PIAS1: variants seen among roughly 807,000 people sequenced by gnomAD.
PIAS1 encodes the protein E3 SUMO-protein ligase PIAS1.
A neutral mutation model predicts 71.3 loss-of-function variants in PIAS1; 6 were observed. The ratio of observed to expected loss-of-function variants is 0.08; its 90% CI spans 0.05 to 0.17. PIAS1 has a LOEUF of 0.17. Among genes scored for constraint, PIAS1 ranks in the 10% least tolerant of loss-of-function variants. The pLI, the probability that PIAS1 is intolerant of heterozygous loss-of-function variation, is 1.00. For missense variants in PIAS1, 555 were observed against 793.6 expected (o/e 0.70, Z 3.61); for synonymous variants, 303 against 292.9 (o/e 1.03, Z -0.35).
rs73423796 is a variant in PIAS1 at position 68,169,479 on chromosome 15, G to T, written c.1009-4253G>T. Among the ~76,000 whole-genome samples, 724 of 152,306 alleles carry T rather than the reference G, an allele frequency of 4.8e-3. 5 individuals carry two copies. The highest frequency in any genetic ancestry group is 0.015 in the African/African-American group (619 of 41,564). On this transcript the variant is annotated intron_variant, in intron 8 of 13. Coordinates refer to ENST00000249636, the MANE Select transcript of PIAS1 (RefSeq NM_016166.3). ...ACTTGATGCCAGGAGTTTGAGACCGGTGTGGCCAACATGGCGAACCCTGTC... is the reference window on the plus strand; with the variant it reads ...ACTTGATGCCAGGAGTTTGAGACCGTTGTGGCCAACATGGCGAACCCTGTC...
In PIAS1 at chr15:68,173,768, C is replaced by G; in HGVS notation, c.1045C>G (p.Leu349Val). The change falls in exon 9 of 14, where the codon CTT becomes GTT. Residue 349 changes from leucine to valine, a missense_variant. This residue lies in a region of PIAS1 where 49 missense variants were observed against 129.2 expected (regional missense o/e 0.38). Transcript: ENST00000249636. This position sits in a 1 kb window ranked among gnomAD's most constrained non-coding sequence, Gnocchi z 4.3. ...KMRLTIPCRA[L>V]TCSHLQCFDA... Reference sequence around the variant, plus strand: ...GCGGCTGACAATTCCGTGTCGGGCCCTTACATGTTCTCATCTACAATGTTT... The same window carrying G: ...GCGGCTGACAATTCCGTGTCGGGCCGTTACATGTTCTCATCTACAATGTTT... 1 of 1,573,784 alleles carries G rather than the reference C, an allele frequency of 6.4e-7. No homozygotes were observed. Among genetic ancestry groups the G allele is most frequent in the South Asian group, 1.2e-5 (1 of 85,658 alleles).
At chr15:68,071,269 CTT>C (rs201177318) in intron 1 of PIAS1, among the ~76,000 whole-genome samples, 54 of 102,744 alleles carry the variant, frequency 5.3e-4, no homozygotes, top group Non-Finnish European at 6.9e-4. Context: ...TTGCTTCATT[CTT>C]TTTTTTTTTT....
chr15:68,192,239 A>C lies in PIAS1; in HGVS notation c.*4404A>C, dbSNP rs1290938431. 1.3e-5 allele frequency: 2 copies of C among 152,036 alleles called. No homozygotes were observed. 9.4% of individuals were successfully genotyped at this position (152,036 alleles called of 1,614,324 possible). ...CTAGGACCTTTGAGCTTTGCCTGAAAGTGACAGCAGTTCTCTCGGCGGGGC... is the reference window on the plus strand; with the variant it reads ...CTAGGACCTTTGAGCTTTGCCTGAACGTGACAGCAGTTCTCTCGGCGGGGC... On this transcript the variant is annotated 3_prime_UTR_variant, in exon 14 of 14. Coordinates refer to ENST00000249636, the MANE Select transcript of PIAS1 (RefSeq NM_016166.3).
At chr15:68,057,438 AG>A in intron 1 of PIAS1, 1 of 412,682 alleles carries the variant, frequency 2.4e-6, no homozygotes, top group Non-Finnish European at 4.7e-6. Context: ...GTTTTTTTGG[AG>A]TAAAACTCAA....
At chr15:68,146,498 T>C (rs1201531259) in intron 5 of PIAS1, 68 bp from the exon 6 acceptor site, 1 of 1,269,274 alleles carries the variant, frequency 7.9e-7, no homozygotes, top group Non-Finnish European at 1.1e-6. Flanking sequence ...GGGGGTTTTT[T>C]CTTAAGGAAT....
intron 1 of PIAS1, among the ~76,000 whole-genome samples, chr15:68,058,210 C>T (rs752337019): frequency 2.0e-5 from 3 of 152,176 alleles, no homozygotes; most frequent in Admixed American, 6.5e-5. Flanking sequence ...CAACCAAAAA[C>T]GGATTCATTA....
intron 6 of PIAS1, among the ~76,000 whole-genome samples, chr15:68,153,222 T>C (rs999580901): frequency 6.6e-6 from 1 of 152,218 alleles, no homozygotes; most frequent in Non-Finnish European, 1.5e-5. Context: ...TGGCTTATAC[T>C]TAGTCTTAAC....
In PIAS1 at chr15:68,173,710, T is replaced by C. The variant is rs781521678; in HGVS notation, c.1009-22T>C. 3 of 1,495,676 alleles carry C rather than the reference T, an allele frequency of 2.0e-6. No individual in the cohort carries two copies. The highest frequency in any genetic ancestry group is 2.7e-6 in the Non-Finnish European group (3 of 1,110,094). The allele number at this position is 1,495,676 out of a possible 1,614,324, so 92.7% of individuals were successfully genotyped here. On this transcript the variant is annotated intron_variant, in intron 8 of 13. Transcript: ENST00000249636. This position sits in a 1 kb window ranked among gnomAD's most constrained non-coding sequence, Gnocchi z 4.3. ...TGTTGAATAGCAATTATCTAATATTTACTTTTTCTCCCTTTTTAAAGCTTG... is the reference window on the plus strand; with the variant it reads ...TGTTGAATAGCAATTATCTAATATTCACTTTTTCTCCCTTTTTAAAGCTTG...
intron 12 of PIAS1, among the ~76,000 whole-genome samples, chr15:68,183,118 C>T (rs971134887): frequency 5.3e-5 from 8 of 152,210 alleles, no homozygotes; most frequent in African/African-American, 1.9e-4. Context: ...CAAACCTCTT[C>T]TCCCCTCATG....
At chr15:68,107,218 A>G (rs1034625452) in intron 2 of PIAS1, among the ~76,000 whole-genome samples, 25 of 152,146 alleles carry the variant, frequency 1.6e-4, no homozygotes, top group Admixed American at 3.3e-4. Context: ...CTTATTTTCA[A>G]TTTATGTGTT....
intron 1 of PIAS1, among the ~76,000 whole-genome samples, chr15:68,074,334 TA>T (rs149623008): frequency 6.6e-6 from 1 of 152,148 alleles, no homozygotes; most frequent in South Asian, 2.1e-4. Flanking sequence ...AAATTAAATT[TA>T]AAAAAATTTT....
Position 68,189,420 on chromosome 15 carries a change from T to G in PIAS1, c.*1585T>G, listed in dbSNP as rs1277043269. On this transcript the variant is annotated 3_prime_UTR_variant, in exon 14 of 14. Transcript: ENST00000249636. The stretch of plus-strand genomic sequence containing the variant: ...GTTCTCAGAGTTGATGAGGACCACC[T>G]TTGTGTATACACTTGTAGTTTTAAA... 2 of 152,222 alleles carry G rather than the reference T, an allele frequency of 1.3e-5. No homozygotes were observed. The highest frequency in any genetic ancestry group is 2.9e-5 in the Non-Finnish European group (2 of 68,032). The allele number at this position is 152,222 out of a possible 1,614,324, so 9.4% of individuals were successfully genotyped here.
chr15:68,130,070 A>G (rs1368433165), intron 2 of PIAS1, among the ~76,000 whole-genome samples: 1 of 152,168 alleles, frequency 6.6e-6, no homozygotes, highest in Non-Finnish European at 1.5e-5. Context: ...ATATTTCACC[A>G]TACGAAACTA....
intron 7 of PIAS1, among the ~76,000 whole-genome samples, chr15:68,164,072 G>A (rs534354914): frequency 6.6e-6 from 1 of 152,114 alleles, no homozygotes; most frequent in South Asian, 2.1e-4. Context: ...TAAGAAGTTT[G>A]AAGTGAAAAG....
At chr15:68,147,507 ATTTTTATGT>A (rs777378976) in intron 6 of PIAS1, among the ~76,000 whole-genome samples, 1 of 151,882 alleles carries the variant, frequency 6.6e-6, no homozygotes, top group Non-Finnish European at 1.5e-5. Context: ...TTGGCCTTTT[ATTTTTATGT>A]TATTTAATAT....
chr15:68,155,080 G>GCAA (rs1241875013), intron 7 of PIAS1, among the ~76,000 whole-genome samples: 3 of 152,102 alleles, frequency 2.0e-5, no homozygotes, highest in African/African-American at 7.2e-5. Flanking sequence ...AATAGTAACA[G>GCAA]CAACAACAAC....
chr15:68,164,821 AC>A lies in PIAS1; in HGVS notation c.1008+18del, dbSNP rs780342916. The A allele has an allele frequency of 7.1e-7, 1 of 1,409,116 alleles. No homozygotes were observed. The highest frequency in any genetic ancestry group is 9.8e-7 in the Non-Finnish European group (1 of 1,016,594). 87.3% of individuals were successfully genotyped at this position (1,409,116 alleles called of 1,614,324 possible). A position where few individuals can be genotyped will look rare whatever the true frequency, so the allele number is the denominator to read the frequency against. ...CTATGTCCAGTAAGTGTTAACTATTACTTGCTTTCCAGAAAGTTTAACATAC... is the reference window on the plus strand; with the variant it reads ...CTATGTCCAGTAAGTGTTAACTATTATTGCTTTCCAGAAAGTTTAACATAC... On this transcript the variant is annotated intron_variant, in intron 8 of 13. Transcript: ENST00000249636.
chr15:68,094,114 G>A (rs1035652699), intron 2 of PIAS1, among the ~76,000 whole-genome samples: 1 of 151,158 alleles, frequency 6.6e-6, no homozygotes, highest in Non-Finnish European at 1.5e-5. Flanking sequence ...TAAACACCAA[G>A]AATGTCTATT....
At chr15:68,176,204 G>C (rs562417312) in intron 10 of PIAS1, among the ~76,000 whole-genome samples, 2 of 151,966 alleles carry the variant, frequency 1.3e-5, no homozygotes, top group African/African-American at 4.8e-5. Flanking sequence ...TTAATATACC[G>C]TCTGCTCTCA....
Sources: allele counts gnomAD v4.1 joint callset (sites outside exome capture counted in the v4.1 genomes callset), GRCh38; gene constraint gnomAD v4.1.1; regional missense constraint gnomAD v4.1.1; non-coding constraint Gnocchi (gnomAD v3.1); transcripts MANE v1.5; gene names NCBI Gene and HGNC (gene_info 2026-07-23, HGNC 2026-07-21).